RFX6: variants seen among roughly 807,000 people sequenced by gnomAD.
The protein encoded by RFX6 is regulatory factor X6.
A neutral mutation model predicts 110.8 loss-of-function variants in RFX6; 50 were observed. The observed-to-expected ratio is 0.45, with a 90% CI of 0.36 to 0.57. The LOEUF is 0.57. Ranked by LOEUF, RFX6 falls within the 20% of genes least tolerant of loss-of-function variation. The pLI is 0.00. For synonymous variants in RFX6, 383 were observed against 411.2 expected (o/e 0.93, Z 0.83); for missense variants, 990 against 1,127.0 (o/e 0.88, Z 1.74).
Position 116,920,313 on chromosome 6 carries a change from G to T in RFX6, c.1186G>T (p.Ala396Ser), listed in dbSNP as rs1339792497. 6.2e-7 allele frequency: 1 copy of T among 1,610,538 alleles called. No homozygotes were observed. Among genetic ancestry groups the T allele is most frequent in the Admixed American group, 1.7e-5 (1 of 60,004 alleles). ...CTTCTTTACTTTCTCTATGCAGATT[G>T]CCAGACCAGCTCTCTTTGACCAGCA... ...QTSFLHLAQI[A>S]RPALFDQHVV... Residue 396 changes from alanine (A) to serine (S), a missense_variant, in exon 12 of 19, where the codon GCC becomes TCC. Ala to Ser is a moderately conservative substitution (Grantham distance 99). Around this residue, in one of 5 missense-constraint regions of RFX6, gnomAD observed 243 missense variants for 353.1 expected, o/e 0.69. Transcript: ENST00000332958.
intron 6 of RFX6, among the ~76,000 whole-genome samples, chr6:116,899,171 G>A (rs1775014366): frequency 6.6e-6 from 1 of 151,010 alleles, no homozygotes; most frequent in Non-Finnish European, 1.5e-5. Context: ...CTGCCTATTT[G>A]GAAAAAAAAA....
chr6:116,927,014 T>C lies in RFX6; in HGVS notation c.1886-13T>C. 6.2e-7 allele frequency: 1 copy of C among 1,611,534 alleles called. No individual in the cohort carries two copies. The highest frequency in any genetic ancestry group is 8.5e-7 in the Non-Finnish European group (1 of 1,177,726). On this transcript the variant is annotated splice_polypyrimidine_tract_variant and intron_variant, in intron 16 of 18. Transcript: ENST00000332958. ...ATATGACACTAAAGGAATGTTCTGG[T>C]GATTTTTTCCAGGTCAAATGGAGCT...
intron 14 of RFX6, 145 bp from the exon 15 acceptor site, chr6:116,924,524 C>T: frequency 1.3e-6 from 1 of 766,186 alleles, no homozygotes; most frequent in Non-Finnish European, 2.3e-6. Flanking sequence ...TAAAGTCCAA[C>T]AAGTATTTGT....
At chr6:116,903,433 C>G (rs1435123991) in intron 6 of RFX6, among the ~76,000 whole-genome samples, 1 of 151,786 alleles carries the variant, frequency 6.6e-6, no homozygotes. Flanking sequence ...ATGTGTTATT[C>G]ACAGCACCCA....
At chr6:116,922,246 G>A (rs1201183118) in intron 13 of RFX6, 95 bp downstream of exon 13, 2 of 747,976 alleles carry the variant, frequency 2.7e-6, no homozygotes, top group African/African-American at 1.7e-5. Context: ...AGGGGTGGAA[G>A]GCTGTGTGTG....
chr6:116,928,400 G>A (rs1297409831), intron 17 of RFX6, among the ~76,000 whole-genome samples: 1 of 152,156 alleles, frequency 6.6e-6, no homozygotes, highest in Non-Finnish European at 1.5e-5. Context: ...ACAGGCGATA[G>A]TGCTTTTTTT....
At chr6:116,926,025 A>T (rs1414279884) in intron 16 of RFX6, among the ~76,000 whole-genome samples, 1 of 152,168 alleles carries the variant, frequency 6.6e-6, no homozygotes, top group African/African-American at 2.4e-5. Context: ...TCCCTTAAAA[A>T]GTAGTTTCGG....
chr6:116,913,288 C>T (rs1426963890), intron 7 of RFX6, among the ~76,000 whole-genome samples: 1 of 152,166 alleles, frequency 6.6e-6, no homozygotes, highest in East Asian at 1.9e-4. Context: ...TCTCGAACTC[C>T]TGACCTCAAG....
chr6:116,910,282 C>T (rs2114687868), intron 6 of RFX6, among the ~76,000 whole-genome samples: 1 of 152,232 alleles, frequency 6.6e-6, no homozygotes, highest in South Asian at 2.1e-4. Flanking sequence ...TGTGGGTTTC[C>T]TGTAAGTATA....
intron 13 of RFX6, 53 bp from the exon 14 acceptor site, chr6:116,923,054 T>C (rs112333727): frequency 3.5e-6 from 3 of 868,230 alleles, no homozygotes; most frequent in South Asian, 2.6e-5. Flanking sequence ...ACAGGATGCA[T>C]GTAGTACTGA....
chr6:116,900,816 CTT>C (rs1350611799), intron 6 of RFX6, among the ~76,000 whole-genome samples: 1 of 151,864 alleles, frequency 6.6e-6, no homozygotes, highest in African/African-American at 2.4e-5. Context: ...TTAAAAGGCT[CTT>C]TTAATGATAT....
intron 4 of RFX6, 72 bp downstream of exon 4, chr6:116,882,500 T>C: frequency 1.8e-6 from 2 of 1,118,148 alleles, no homozygotes; most frequent in South Asian, 2.5e-5. Flanking sequence ...AAATAAGTAT[T>C]GTCTTTGTCA....
chr6:116,923,714 A>G (rs1345801130), intron 14 of RFX6, among the ~76,000 whole-genome samples: 1 of 152,212 alleles, frequency 6.6e-6, no homozygotes, highest in African/African-American at 2.4e-5. Flanking sequence ...GGAATCAAAA[A>G]ACAGCTTAGA....
intron 4 of RFX6, among the ~76,000 whole-genome samples, chr6:116,889,584 G>C (rs552059010): frequency 6.6e-6 from 1 of 152,182 alleles, no homozygotes; most frequent in South Asian, 2.1e-4. Context: ...GATGGAAGAA[G>C]GGTATTCCCA....
intron 6 of RFX6, among the ~76,000 whole-genome samples, chr6:116,900,829 A>G (rs1036092863): frequency 1.3e-5 from 2 of 152,152 alleles, no homozygotes; most frequent in African/African-American, 4.8e-5. Flanking sequence ...TTAATGATAT[A>G]GAGAAATGTT....
In RFX6 at chr6:116,880,532, C is replaced by A; in HGVS notation, c.381-12C>A. The A allele has an allele frequency of 6.2e-7, 1 of 1,610,724 alleles. No individual in the cohort carries two copies. The highest frequency in any genetic ancestry group is 1.1e-5 in the South Asian group (1 of 90,752). Reference sequence around the variant, plus strand: ...TAAAATATTTGACCTAATTTTTGTTCCTTTTTCTTAGGCTTGAAGAGAATT... The same window carrying A: ...TAAAATATTTGACCTAATTTTTGTTACTTTTTCTTAGGCTTGAAGAGAATT... On this transcript the variant is annotated splice_polypyrimidine_tract_variant and intron_variant, in intron 2 of 18. Coordinates refer to ENST00000332958, the MANE Select transcript of RFX6 (RefSeq NM_173560.4).
chr6:116,890,882 G>C (rs1349635993), intron 4 of RFX6, among the ~76,000 whole-genome samples: 1 of 151,996 alleles, frequency 6.6e-6, no homozygotes, highest in African/African-American at 2.4e-5. Context: ...AATGACTGGG[G>C]ACAGGAATAA....
chr6:116,885,351 C>T (rs1051757423), intron 4 of RFX6, among the ~76,000 whole-genome samples: 3 of 152,058 alleles, frequency 2.0e-5, no homozygotes, highest in African/African-American at 4.8e-5. Context: ...ACCGCACTAT[C>T]CTTAATAATA....
intron 5 of RFX6, among the ~76,000 whole-genome samples, chr6:116,894,589 C>T (rs1343585561): frequency 6.6e-6 from 1 of 152,074 alleles, no homozygotes; most frequent in Non-Finnish European, 1.5e-5. Context: ...ATAAACAGCA[C>T]ATTGCTCTAA....
Sources: allele counts gnomAD v4.1 joint callset (sites outside exome capture counted in the v4.1 genomes callset), GRCh38; gene constraint gnomAD v4.1.1; regional missense constraint gnomAD v4.1.1; transcripts MANE v1.5; gene names NCBI Gene and HGNC (gene_info 2026-07-23, HGNC 2026-07-21).